The following LRMDA variants were observed in gnomAD, a reference collection of about 807,000 sequenced individuals.
LRMDA encodes leucine-rich melanocyte differentiation-associated protein.
In LRMDA, 18 loss-of-function variants were observed where a neutral mutation model predicts 29.8. The ratio of observed to expected loss-of-function variants is 0.60; its 90% CI spans 0.42 to 0.90. The LOEUF is 0.90. Ranked by LOEUF, LRMDA falls within the 40% of genes least tolerant of loss-of-function variation. The probability of loss-of-function intolerance (pLI) is 0.00; values close to 1 mark genes in which losing one functional copy is unlikely to be tolerated. For synonymous variants in LRMDA, 125 were observed against 109.4 expected (o/e 1.14, Z -0.89); for missense variants, 273 against 273.9 (o/e 1.00, Z 0.02).
chr10:76,541,878 C>CT (rs913975654), intron 6 of LRMDA, among the ~76,000 whole-genome samples: 21 of 152,180 alleles, frequency 1.4e-4, no homozygotes, highest in Non-Finnish European at 2.6e-4. Context: ...TAATAGTCAT[C>CT]TTTTTTTTAT....
chr10:76,380,753 A>G (rs982003520), intron 6 of LRMDA, among the ~76,000 whole-genome samples: 2 of 151,626 alleles, frequency 1.3e-5, no homozygotes, highest in Non-Finnish European at 2.9e-5. Flanking sequence ...AAAAAGTGTT[A>G]AAACAAATTG....
chr10:76,451,406 C>T (rs147837908), intron 6 of LRMDA, among the ~76,000 whole-genome samples: 100 of 151,820 alleles, frequency 6.6e-4, no homozygotes, highest in Middle Eastern at 3.4e-3. Flanking sequence ...GGGGTTTCAC[C>T]GTGTTTGCCA....
chr10:76,045,217 GT>G (rs1352196906), intron 3 of LRMDA, among the ~76,000 whole-genome samples: 1 of 138,898 alleles, frequency 7.2e-6, no homozygotes, highest in African/African-American at 2.8e-5. Context: ...CCTCTGGTTA[GT>G]TTCCCTCTCT....
At chr10:76,123,124 T>C (rs915014848) in intron 5 of LRMDA, among the ~76,000 whole-genome samples, 6 of 152,166 alleles carry the variant, frequency 3.9e-5, no homozygotes, top group Non-Finnish European at 8.8e-5. Flanking sequence ...GGGCGCTGGC[T>C]AACAGACCTC....
At chr10:76,316,473 G>A (rs1840701102) in intron 5 of LRMDA, among the ~76,000 whole-genome samples, 1 of 152,322 alleles carries the variant, frequency 6.6e-6, no homozygotes, top group Non-Finnish European at 1.5e-5. Flanking sequence ...GATCTGGGCC[G>A]GTAGTGCCAG....
intron 2 of LRMDA, among the ~76,000 whole-genome samples, chr10:75,892,364 G>A (rs115652596): frequency 6.6e-6 from 1 of 152,148 alleles, no homozygotes; most frequent in Non-Finnish European, 1.5e-5. Context: ...GGGAGCTCTG[G>A]GTGGCAGGGC....
chr10:75,823,810 A>C lies in LRMDA; in HGVS notation c.132-212198A>C, dbSNP rs571899440. ...CCATGGAATGCTACTCAGCCATAAAAAGGAATGAAATCATGTCTTTTGTGG... is the reference window on the plus strand; with the variant it reads ...CCATGGAATGCTACTCAGCCATAAACAGGAATGAAATCATGTCTTTTGTGG... On this transcript the variant is annotated intron_variant, in intron 2 of 6. Coordinates refer to ENST00000611255, the MANE Select transcript of LRMDA (RefSeq NM_001305581.2). 7.2e-5 allele frequency among the ~76,000 whole-genome samples: 11 copies of C among 152,120 alleles called. 1 individual carries two copies. The South Asian group carries it at 2.3e-3, about 32-fold the overall frequency.
chr10:76,006,464 T>C (rs1215543959), intron 2 of LRMDA, among the ~76,000 whole-genome samples: 2 of 152,018 alleles, frequency 1.3e-5, no homozygotes, highest in East Asian at 3.9e-4. Context: ...CCAAGTAAAC[T>C]AACTATTCTG....
rs1420229694 is a variant in LRMDA at position 76,374,895 on chromosome 10, A to G, written c.601+50410A>G. ...TGAACTTGATAAATGGAGATTCAGA[A>G]TGTCTTTTGGATTTTTATAAAGATT... On this transcript the variant is annotated intron_variant, in intron 6 of 6. Transcript: ENST00000611255. Among the ~76,000 whole-genome samples the G allele has an allele frequency of 2.0e-5, 3 of 152,186 alleles. 1 individual carries two copies. Among genetic ancestry groups the G allele is most frequent in the Admixed American group, 2.0e-4 (3 of 15,278 alleles).
chr10:75,876,667 C>A (rs566133416), intron 2 of LRMDA, among the ~76,000 whole-genome samples: 1 of 152,126 alleles, frequency 6.6e-6, no homozygotes, highest in Non-Finnish European at 1.5e-5. Flanking sequence ...TGGTGCAGGA[C>A]GCTAGAGCTC....
At chr10:75,481,689 T>A (rs1246303263) in intron 2 of LRMDA, among the ~76,000 whole-genome samples, 1 of 152,226 alleles carries the variant, frequency 6.6e-6, no homozygotes, top group East Asian at 1.9e-4. Flanking sequence ...TCGGCATCTT[T>A]TAATGGTTTT....
At chr10:76,377,659 G>A (rs913720805) in intron 6 of LRMDA, among the ~76,000 whole-genome samples, 6 of 152,056 alleles carry the variant, frequency 3.9e-5, no homozygotes, top group Non-Finnish European at 5.9e-5. Context: ...TATATGTTTT[G>A]TCAACTTTGT....
chr10:76,199,954 G>A (rs1002738270), intron 5 of LRMDA, among the ~76,000 whole-genome samples: 2 of 152,086 alleles, frequency 1.3e-5, no homozygotes, highest in African/African-American at 4.8e-5. Flanking sequence ...TGTGGAGTAA[G>A]ACTCCACTTC....
At chr10:75,476,709 T>C (rs571995599) in intron 2 of LRMDA, among the ~76,000 whole-genome samples, 76 of 152,292 alleles carry the variant, frequency 5.0e-4, no homozygotes, top group Middle Eastern at 3.4e-3. Context: ...GTGTCTTGTG[T>C]TTTCCCAGCT....
At position 75,615,389 on chromosome 10, in the gene LRMDA, C is replaced by T. The variant is rs1453815748; in HGVS notation, c.131+176895C>T. On this transcript the variant is annotated intron_variant, in intron 2 of 6. Transcript: ENST00000611255. ...TGCATTATACTTACCAGTTGAGCAT[C>T]CCTAATGTGAAAATCCGAAATCCAA... is the stretch of plus-strand genomic sequence containing the variant. Among the ~76,000 whole-genome samples, 13 of 152,178 alleles carry T rather than the reference C, an allele frequency of 8.5e-5. No individual in the cohort carries two copies. In the East Asian group the frequency reaches 2.5e-3, roughly 29 times the overall value.
At chr10:75,560,811 A>G (rs1401777715) in intron 2 of LRMDA, among the ~76,000 whole-genome samples, 6 of 151,842 alleles carry the variant, frequency 4.0e-5, no homozygotes, top group Non-Finnish European at 7.4e-5. Flanking sequence ...TTTGTCTTTG[A>G]TTCTGTTTAT....
intron 2 of LRMDA, among the ~76,000 whole-genome samples, chr10:75,603,809 T>C (rs546598725): frequency 1.2e-4 from 18 of 152,320 alleles, no homozygotes; most frequent in South Asian, 4.2e-4. Context: ...TTTTAAAGAA[T>C]TGAGGCATAA....
chr10:75,765,124 C>A (rs376144134), intron 2 of LRMDA, among the ~76,000 whole-genome samples: 1 of 152,230 alleles, frequency 6.6e-6, no homozygotes, highest in South Asian at 2.1e-4. Context: ...AGTTGTCACT[C>A]ATCTACTTAG....
intron 6 of LRMDA, among the ~76,000 whole-genome samples, chr10:76,527,345 G>T (rs1323943187): frequency 6.6e-6 from 1 of 152,138 alleles, no homozygotes; most frequent in Non-Finnish European, 1.5e-5. Flanking sequence ...GTGGGTCAGA[G>T]ACTCACTGTC....
Sources: gnomAD v4.1 joint callset for allele counts (sites outside exome capture counted in the v4.1 genomes callset) on GRCh38, gnomAD v4.1.1 for gene constraint, MANE v1.5 for transcripts, NCBI Gene and HGNC (gene_info 2026-07-23, HGNC 2026-07-21) for gene names.